RBM17: variants seen among roughly 807,000 people sequenced by gnomAD.
The protein encoded by RBM17 is RNA binding motif protein 17.
In RBM17, 7 loss-of-function variants were observed where a neutral mutation model predicts 53.2. That is an observed-to-expected ratio of 0.13 (90% CI 0.07 to 0.25). The LOEUF (loss-of-function observed/expected upper bound fraction) is 0.25, where lower values mean the gene tolerates loss of function less well. Ranked by LOEUF, RBM17 falls within the 10% of genes least tolerant of loss-of-function variation. The pLI, the probability that RBM17 is intolerant of heterozygous loss-of-function variation, is 1.00. For missense variants in RBM17, 257 were observed against 496.7 expected, an observed-to-expected ratio of 0.52 and a Z score of 4.59; for synonymous variants, 167 against 178.1, an observed-to-expected ratio of 0.94 and a Z score of 0.50.
Position 6,104,931 on chromosome 10 carries a change from G to A in RBM17, c.241G>A (p.Asp81Asn), listed in dbSNP as rs1192063358. The change falls in exon 4 of 12, where the codon GAT (aspartate) becomes AAT (asparagine). Residue 81 changes from aspartate to asparagine, a missense_variant and splice_region_variant. Physicochemically the swap from Asp to Asn is conservative, Grantham distance 23 (BLOSUM62 1). Around this residue, in one of 6 missense-constraint regions of RBM17, gnomAD observed 127 missense variants for 217.2 expected, o/e 0.58. Coordinates refer to ENST00000379888, the MANE Select transcript of RBM17 (RefSeq NM_032905.5). Reference protein sequence around the residue: ...TPPHVAAGLKDPVPSGFSAGE... With the variant: ...TPPHVAAGLKNPVPSGFSAGE... ...TTACTGCTGTTTTTACCTTCCTCAGGATCCTGTTCCCAGTGGGTTTTCTGC... is the reference window on the plus strand; with the variant it reads ...TTACTGCTGTTTTTACCTTCCTCAGAATCCTGTTCCCAGTGGGTTTTCTGC... The A allele has an allele frequency of 6.2e-7, 1 of 1,613,064 alleles. No individual in the cohort carries two copies. Among genetic ancestry groups the A allele is most frequent in the Non-Finnish European group, 8.5e-7 (1 of 1,179,486 alleles).
At chr10:6,109,582 C>G (rs765288748) in intron 6 of RBM17, among the ~76,000 whole-genome samples, 2 of 152,160 alleles carry the variant, frequency 1.3e-5, no homozygotes, top group Non-Finnish European at 2.9e-5. Context: ...GGGCCATGAG[C>G]TGATGAGATA....
At chr10:6,097,869 A>G (rs1157090557) in intron 2 of RBM17, among the ~76,000 whole-genome samples, 1 of 152,186 alleles carries the variant, frequency 6.6e-6, no homozygotes, top group African/African-American at 2.4e-5. Flanking sequence ...TAGCATTCCT[A>G]CTGGTTTGGT....
chr10:6,115,421 C>T (rs777568847), intron 11 of RBM17, 32 bp from the exon 12 acceptor site: 4 of 1,537,088 alleles, frequency 2.6e-6, no homozygotes, highest in Middle Eastern at 1.7e-4. Flanking sequence ...TTATAGGATA[C>T]CTGTATTAAC....
At chr10:6,091,231 G>A (rs1174261241) in intron 1 of RBM17, among the ~76,000 whole-genome samples, 1 of 151,732 alleles carries the variant, frequency 6.6e-6, no homozygotes, top group African/African-American at 2.4e-5. Context: ...GCCAATTTTT[G>A]TATTTTCAGT....
In RBM17 at chr10:6,112,380, G is replaced by A. The variant is rs367730963; in HGVS notation, c.856+19G>A. ...GAGAAAGGTGTGTCCCCAGGGAAGC[G>A]TGTGACTAGAGGGAAAGGACTGGCC... On this transcript the variant is annotated intron_variant, in intron 8 of 11. Transcript: ENST00000379888. This position sits in a 1 kb window ranked among gnomAD's most constrained non-coding sequence, Gnocchi z 4.4. The A allele has an allele frequency of 1.2e-5, 20 of 1,613,462 alleles. No homozygotes were observed. Among genetic ancestry groups the A allele is most frequent in the African/African-American group, 5.3e-5 (4 of 75,004 alleles).
At chr10:6,094,305 ATGT>A (rs1386588347) in intron 1 of RBM17, among the ~76,000 whole-genome samples, 2 of 152,148 alleles carry the variant, frequency 1.3e-5, no homozygotes, top group Admixed American at 6.5e-5. Context: ...CTTTGGGGTC[ATGT>A]TGTTGCTCGG....
intron 5 of RBM17, 49 bp from the exon 6 acceptor site, chr10:6,108,637 A>T: frequency 6.8e-7 from 1 of 1,480,094 alleles, no homozygotes; most frequent in Non-Finnish European, 9.4e-7. Flanking sequence ...GTCGTTTGGG[A>T]GTCTGGCATC....
chr10:6,110,507 T>A (rs1218681686), intron 7 of RBM17, among the ~76,000 whole-genome samples: 1 of 152,212 alleles, frequency 6.6e-6, no homozygotes, highest in Non-Finnish European at 1.5e-5. Flanking sequence ...GCCATTTGCT[T>A]TCAGGTCATG....
intron 4 of RBM17, among the ~76,000 whole-genome samples, chr10:6,105,631 T>C (rs950116466): frequency 1.3e-5 from 2 of 152,250 alleles, no homozygotes; most frequent in Non-Finnish European, 2.9e-5. Context: ...TTAACTTTAC[T>C]ATTTTTGAGC....
chr10:6,110,807 G>A (rs1044507915), intron 7 of RBM17, among the ~76,000 whole-genome samples: 1 of 152,216 alleles, frequency 6.6e-6, no homozygotes, highest in Non-Finnish European at 1.5e-5. Context: ...GAGACAGTGA[G>A]TGGGGTTGAA....
chr10:6,106,297 A>G (rs146539930), intron 5 of RBM17, 59 bp downstream of exon 5: 10 of 1,136,108 alleles, frequency 8.8e-6, no homozygotes, highest in Middle Eastern at 2.0e-4. Context: ...CAATTCCACT[A>G]TGTGCTTTTT....
chr10:6,101,411 C>G, intron 3 of RBM17, 24 bp downstream of exon 3: 1 of 1,442,152 alleles, frequency 6.9e-7, no homozygotes, highest in Non-Finnish European at 9.7e-7. Context: ...TGCCTGTGAG[C>G]TTGATACGTG....
At position 6,098,556 on chromosome 10, in the gene RBM17, G is replaced by GTTTTTTTTTTTTTTTTTTTTTT. The variant is rs1221504658; in HGVS notation, c.123+1374_123+1375insTTTTTTTTTTTTTTTTTTTTTT. Among the ~76,000 whole-genome samples the GTTTTTTTTTTTTTTTTTTTTTT allele has an allele frequency of 1.6e-4, 14 of 87,972 alleles. 2 individuals are homozygous for GTTTTTTTTTTTTTTTTTTTTTT. The highest frequency in any genetic ancestry group is 2.4e-4 in the African/African-American group (6 of 24,764). 57.7% of individuals were successfully genotyped at this position (87,972 alleles called of 152,430 possible). A position where few individuals can be genotyped will look rare whatever the true frequency, so the allele number is the denominator to read the frequency against. ...GTTTGAAAATTTCCGTAATACACAG[G>GTTTTTTTTTTTTTTTTTTTTTT]TTTTTTGTTTTTTTTTTTTTTTTTT... is the stretch of plus-strand genomic sequence containing the variant. On this transcript the variant is annotated intron_variant, in intron 2 of 11. Coordinates refer to ENST00000379888, the MANE Select transcript of RBM17 (RefSeq NM_032905.5).
Position 6,112,132 on chromosome 10 carries a change from T to G in RBM17, c.705-78T>G, listed in dbSNP as rs80062330. 0.02 allele frequency: 29,580 copies of G among 1,469,828 alleles called. 396 individuals carry two copies. Among genetic ancestry groups the G allele is most frequent in the South Asian group, 0.03 (2,451 of 81,100 alleles). The allele number at this position is 1,469,828 out of a possible 1,614,324, so 91.0% of individuals were successfully genotyped here. A position where few individuals can be genotyped will look rare whatever the true frequency, so the allele number is the denominator to read the frequency against. On this transcript the variant is annotated intron_variant, in intron 7 of 11. Transcript: ENST00000379888. The surrounding 1 kb of genome is among the most constrained non-coding windows in gnomAD (Gnocchi z 4.4). Reference sequence around the variant, plus strand: ...GCATGCACTCTCTCCAGAAGGAGGTTGTTGTGATGGAAAAATGCAACCTAT... The same window carrying G: ...GCATGCACTCTCTCCAGAAGGAGGTGGTTGTGATGGAAAAATGCAACCTAT...
intron 5 of RBM17, 147 bp from the exon 6 acceptor site, chr10:6,108,539 T>TA: frequency 1.8e-6 from 1 of 560,090 alleles, no homozygotes; most frequent in Admixed American, 3.7e-5. Flanking sequence ...GGTTTGTTCA[T>TA]ATGTAGCAGG....
chr10:6,092,440 TTAAC>T (rs776458240), intron 1 of RBM17, among the ~76,000 whole-genome samples: 70 of 152,216 alleles, frequency 4.6e-4, no homozygotes, highest in Non-Finnish European at 7.8e-4. Flanking sequence ...AAGGAATAGA[TTAAC>T]TAAAACTGTA....
chr10:6,113,865 C>T, intron 9 of RBM17, 184 bp from the exon 10 acceptor site: 1 of 589,990 alleles, frequency 1.7e-6, no homozygotes, highest in Non-Finnish European at 3.0e-6. Context: ...TAACTCTTTA[C>T]AGGCTTAATA....
At chr10:6,108,314 C>T (rs1840785251) in intron 5 of RBM17, among the ~76,000 whole-genome samples, 1 of 152,018 alleles carries the variant, frequency 6.6e-6, no homozygotes, top group African/African-American at 2.4e-5. Context: ...CTGAACGAGG[C>T]CATGTGTATA....
At chr10:6,094,650 A>G (rs1319279577) in intron 1 of RBM17, among the ~76,000 whole-genome samples, 6 of 152,194 alleles carry the variant, frequency 3.9e-5, no homozygotes, top group East Asian at 1.9e-4. Flanking sequence ...TAAGCTGGAC[A>G]CTCAGCATGG....
Sources: gnomAD v4.1 joint callset for allele counts (sites outside exome capture counted in the v4.1 genomes callset) on GRCh38, gnomAD v4.1.1 for gene constraint, gnomAD v4.1.1 regional missense constraint, Gnocchi (gnomAD v3.1) non-coding constraint, MANE v1.5 for transcripts, NCBI Gene and HGNC (gene_info 2026-07-23, HGNC 2026-07-21) for gene names.